Variants in ZNF260 observed in about 807,000 individuals in gnomAD.
ZNF260 encodes zinc finger protein 260, also known as zfp-260.
In ZNF260, 21 loss-of-function variants were observed where a neutral mutation model predicts 29.3. The observed-to-expected ratio is 0.72, with a 90% CI of 0.51 to 1.03. ZNF260 has a LOEUF of 1.03. Among genes scored for constraint, ZNF260 ranks in the 50% least tolerant of loss-of-function variants. The probability of loss-of-function intolerance (pLI) is 0.00; values close to 1 mark genes in which losing one functional copy is unlikely to be tolerated. For missense variants in ZNF260, 465 were observed against 487.8 expected (o/e 0.95, Z 0.44); for synonymous variants, 156 against 156.8 (o/e 0.99, Z 0.04).
At chr19:36,524,606 C>T (rs1443081524) in intron 2 of ZNF260, among the ~76,000 whole-genome samples, 3 of 138,996 alleles carry the variant, frequency 2.2e-5, no homozygotes, top group African/African-American at 5.4e-5. Context: ...GAGGGAAGGT[C>T]AGTAGATAAA....
At chr19:36,523,736 C>A (rs2034683515) in intron 2 of ZNF260, among the ~76,000 whole-genome samples, 3 of 151,774 alleles carry the variant, frequency 2.0e-5, no homozygotes, top group Admixed American at 2.0e-4. Context: ...TGCCACCTCG[C>A]CAGGCTAATT....
Position 36,514,529 on chromosome 19 carries a change from C to CATTAA in ZNF260, c.709_710insTTAAT (p.Arg237IlefsTer89), listed in dbSNP as rs748346728. On this transcript the variant is annotated frameshift_variant, in exon 3 of 3. Transcript: ENST00000523638. LOFTEE classifies it high-confidence loss of function. Reference sequence around the variant, plus strand: ...CTCTCCTGTGTGACTTCTCTGGTGTCTAATGAGGCTTGACTTCTGAATGAA... The same window carrying CATTAA: ...CTCTCCTGTGTGACTTCTCTGGTGTCATTAATAATGAGGCTTGACTTCTGAATGAA... 1 of 1,613,758 alleles carries CATTAA rather than the reference C, an allele frequency of 6.2e-7. No homozygotes were observed. The highest frequency in any genetic ancestry group is 1.3e-5 in the African/African-American group (1 of 74,806).
chr19:36,514,718 C>A lies in ZNF260; in HGVS notation c.521G>T (p.Ser174Ile), dbSNP rs1236410330. 1.2e-6 allele frequency: 2 copies of A among 1,613,834 alleles called. No homozygotes were observed. Among genetic ancestry groups the A allele is most frequent in the Admixed American group, 1.7e-5 (1 of 60,016 alleles). Residue 174 changes from serine (S) to isoleucine (I), a missense_variant, in exon 3 of 3, where the codon AGC (serine) becomes ATC (isoleucine). Physicochemically the swap from Ser to Ile is moderately radical, Grantham distance 142. Coordinates refer to ENST00000523638, the MANE Select transcript of ZNF260 (RefSeq NM_001166037.2). ...ATGTTTAATGAGGTATTGCTTCTGG[C>A]TGAAGGCTCTTCCACACTGATTACA... is the stretch of plus-strand genomic sequence containing the variant. ...FECNQCGRAF[S>I]QKQYLIKHQN...
rs61743049 is a variant in ZNF260 at position 36,515,096 on chromosome 19, A to G, written c.143T>C (p.Met48Thr). 0.021 allele frequency: 33,545 copies of G among 1,614,040 alleles called. 491 individuals are homozygous for G. The highest frequency in any genetic ancestry group is 0.07 in the East Asian group (3,141 of 44,860). Residue 48 changes from methionine (M) to threonine (T), a missense_variant, in exon 3 of 3, where the codon ATG becomes ACG. Physicochemically the swap from Met to Thr is moderately conservative, Grantham distance 81. Transcript: ENST00000523638. ...LKQNLVEHKK[M>T]HTGEKSHECT... The stretch of plus-strand genomic sequence containing the variant: ...TTCATGAGATTTCTCTCCAGTATGC[A>G]TTTTCTTATGCTCTACAAGGTTTTG...
chr19:36,523,492 A>G (rs949385113), intron 2 of ZNF260, among the ~76,000 whole-genome samples: 1 of 152,034 alleles, frequency 6.6e-6, no homozygotes, highest in Admixed American at 6.6e-5. Flanking sequence ...CAGGGGATTG[A>G]GGGCCAGGAA....
Position 36,514,655 on chromosome 19 carries a change from C to A in ZNF260, c.584G>T (p.Ser195Ile). ...CTGGCTAAAAGCTTTTCCACACTCA[C>A]TACATTTAAAGGGCTTCTTTCCAGT... ...IHTGKKPFKC[S>I]ECGKAFSQKE... Residue 195 changes from serine (S) to isoleucine (I), a missense_variant, in exon 3 of 3, where the codon AGT becomes ATT. Physicochemically the swap from Ser to Ile is moderately radical, Grantham distance 142. Coordinates refer to ENST00000523638, the MANE Select transcript of ZNF260 (RefSeq NM_001166037.2). 1 of 1,613,664 alleles carries A rather than the reference C, an allele frequency of 6.2e-7. No homozygotes were observed. The highest frequency in any genetic ancestry group is 8.5e-7 in the Non-Finnish European group (1 of 1,179,898).
chr19:36,521,777 C>T (rs1308359210), intron 2 of ZNF260, among the ~76,000 whole-genome samples: 1 of 149,840 alleles, frequency 6.7e-6, no homozygotes, highest in African/African-American at 2.5e-5. Flanking sequence ...AGGCCGGGTG[C>T]GGTGGCTCAC....
chr19:36,514,433 AT>A lies in ZNF260; in HGVS notation c.805del (p.Ile269PhefsTer55), dbSNP rs2034507220. The stretch of plus-strand genomic sequence containing the variant: ...TTTGTAGGGTTTCTCTCCAATATGA[AT>A]TTTCTCATGCTCTGTGAGATTTGAC... ...GKSNLTEHEK[I>X]HIGEKPYKCN... is the part of the protein sequence containing the mutation. On this transcript the variant is annotated frameshift_variant, in exon 3 of 3. Transcript: ENST00000523638. LOFTEE classifies it high-confidence loss of function. 1 of 1,613,760 alleles carries A rather than the reference AT, an allele frequency of 6.2e-7. No homozygotes were observed. Among genetic ancestry groups the A allele is most frequent in the Non-Finnish European group, 8.5e-7 (1 of 1,179,922 alleles).
chr19:36,512,256 T>C lies in ZNF260; in HGVS notation c.*1744A>G, dbSNP rs1373757458. On this transcript the variant is annotated 3_prime_UTR_variant, in exon 3 of 3. Transcript: ENST00000523638. ...AAGATAAGATTTTAGAAATATCTTCTACAGAATATTAGTATCTGACTAGGA... is the reference window on the plus strand; with the variant it reads ...AAGATAAGATTTTAGAAATATCTTCCACAGAATATTAGTATCTGACTAGGA... The C allele has an allele frequency of 1.3e-5, 2 of 152,212 alleles. No individual in the cohort carries two copies. The highest frequency in any genetic ancestry group is 2.9e-5 in the Non-Finnish European group (2 of 68,040). The allele number at this position is 152,212 out of a possible 1,614,324, so 9.4% of individuals were successfully genotyped here. A position where few individuals can be genotyped will look rare whatever the true frequency, so the allele number is the denominator to read the frequency against.
At chr19:36,525,488 G>A (rs1234635885) in intron 1 of ZNF260, 115 bp from the exon 2 acceptor site, 1 of 152,152 alleles carries the variant, frequency 6.6e-6, no homozygotes, top group Non-Finnish European at 1.5e-5. Flanking sequence ...CCATTCAAAA[G>A]CTCTACACAT....
rs1468865817 is a variant in ZNF260 at position 36,510,746 on chromosome 19, T to C, written c.*3254A>G. ...TTCTTATGGTGGCAAATAAGCAAAC[T>C]GTGAGTAAACGAGGGCAGCTGAATA... On this transcript the variant is annotated 3_prime_UTR_variant, in exon 3 of 3. Transcript: ENST00000523638. 1 of 152,164 alleles carries C rather than the reference T, an allele frequency of 6.6e-6. No individual in the cohort carries two copies. Among genetic ancestry groups the C allele is most frequent in the African/African-American group, 2.4e-5 (1 of 41,416 alleles). The allele number at this position is 152,164 out of a possible 1,614,324, so 9.4% of individuals were successfully genotyped here.
chr19:36,513,213 G>C lies in ZNF260; in HGVS notation c.*787C>G, dbSNP rs2034481353. 1 of 152,046 alleles carries C rather than the reference G, an allele frequency of 6.6e-6. No individual in the cohort carries two copies. The highest frequency in any genetic ancestry group is 1.5e-5 in the Non-Finnish European group (1 of 68,002). The allele number at this position is 152,046 out of a possible 1,614,324, so 9.4% of individuals were successfully genotyped here. A position where few individuals can be genotyped will look rare whatever the true frequency, so the allele number is the denominator to read the frequency against. ...ATCTGGGTTTTAGGTATCCACTGGGGGTCTTAGAGTCCATCTCTTGCAGAA... is the reference window on the plus strand; with the variant it reads ...ATCTGGGTTTTAGGTATCCACTGGGCGTCTTAGAGTCCATCTCTTGCAGAA... On this transcript the variant is annotated 3_prime_UTR_variant, in exon 3 of 3. Transcript: ENST00000523638.
chr19:36,514,275 G>C lies in ZNF260; in HGVS notation c.964C>G (p.His322Asp), dbSNP rs757539375. ...AFSRITSLIV[H>D]VRIHTGDKPY... ...TTATCACCTGTATGAATTCTCACATGTACAATAAGTGATGTGATTCGAGAG... is the reference window on the plus strand; with the variant it reads ...TTATCACCTGTATGAATTCTCACATCTACAATAAGTGATGTGATTCGAGAG... Residue 322 changes from histidine (H) to aspartate (D), a missense_variant, in exon 3 of 3, where the codon CAT (histidine) becomes GAT (aspartate). His to Asp is a moderately conservative substitution (Grantham distance 81, BLOSUM62 -1). Coordinates refer to ENST00000523638, the MANE Select transcript of ZNF260 (RefSeq NM_001166037.2). 17 of 1,613,988 alleles carry C rather than the reference G, an allele frequency of 1.1e-5. No homozygotes were observed. In the South Asian group the frequency reaches 1.9e-4, roughly 18 times the overall value.
chr19:36,520,854 C>T (rs1312508826), intron 2 of ZNF260, among the ~76,000 whole-genome samples: 5 of 128,928 alleles, frequency 3.9e-5, no homozygotes, highest in East Asian at 2.2e-4. Flanking sequence ...AGCGAGATTC[C>T]GTCTCAAAAA....
intron 2 of ZNF260, among the ~76,000 whole-genome samples, chr19:36,524,459 G>A (rs184195374): frequency 5.1e-4 from 78 of 151,652 alleles, no homozygotes; most frequent in African/African-American, 1.8e-3. Context: ...GATTACAGGC[G>A]TGAGCCACCA....
Position 36,515,053 on chromosome 19 carries a change from T to G in ZNF260, c.186A>C (p.Lys62Asn). 6.2e-7 allele frequency: 1 copy of G among 1,614,142 alleles called. No individual in the cohort carries two copies. The highest frequency in any genetic ancestry group is 2.2e-5 in the East Asian group (1 of 44,868). The change falls in exon 3 of 3, where the codon AAA becomes AAC. Residue 62 changes from lysine to asparagine, a missense_variant. Transcript: ENST00000523638. Reference sequence around the variant, plus strand: ...TAAGAGATGAGACTCGAGAGCACACTTTACCACATTCAGTGCATTCATGAG... The same window carrying G: ...TAAGAGATGAGACTCGAGAGCACACGTTACCACATTCAGTGCATTCATGAG... ...EKSHECTECGKVCSRVSSLTL... is the reference protein window; with the variant it reads ...EKSHECTECGNVCSRVSSLTL...
Position 36,513,477 on chromosome 19 carries a change from T to C in ZNF260, c.*523A>G. 2.9e-6 allele frequency: 1 copy of C among 349,808 alleles called. No homozygotes were observed. Among genetic ancestry groups the C allele is most frequent in the Non-Finnish European group, 5.1e-6 (1 of 196,200 alleles). The allele number at this position is 349,808 out of a possible 1,614,324, so 21.7% of individuals were successfully genotyped here. A position where few individuals can be genotyped will look rare whatever the true frequency, so the allele number is the denominator to read the frequency against. ...CAATTAATTTTTAAGTAATCCATGA[T>C]TTCCCCACCAATCTGGGATACCGCC... On this transcript the variant is annotated 3_prime_UTR_variant, in exon 3 of 3. Coordinates refer to ENST00000523638, the MANE Select transcript of ZNF260 (RefSeq NM_001166037.2).
rs1032858859 is a variant in ZNF260 at position 36,511,042 on chromosome 19, C to T, written c.*2958G>A. Reference sequence around the variant, plus strand: ...GACAGTTTAGATTCATGTACACATACATATATTTTATTTGGGTATATTACC... The same window carrying T: ...GACAGTTTAGATTCATGTACACATATATATATTTTATTTGGGTATATTACC... On this transcript the variant is annotated 3_prime_UTR_variant, in exon 3 of 3. Transcript: ENST00000523638. 6.6e-6 allele frequency: 1 copy of T among 152,136 alleles called. No individual in the cohort carries two copies. The highest frequency in any genetic ancestry group is 2.4e-5 in the African/African-American group (1 of 41,424). The allele number at this position is 152,136 out of a possible 1,614,324, so 9.4% of individuals were successfully genotyped here.
At chr19:36,524,468 C>T (rs1320768773) in intron 2 of ZNF260, among the ~76,000 whole-genome samples, 3 of 151,556 alleles carry the variant, frequency 2.0e-5, no homozygotes, top group African/African-American at 7.3e-5. Context: ...CGTGAGCCAC[C>T]ACGCCTGGCC....
Sources: allele counts gnomAD v4.1 joint callset (sites outside exome capture counted in the v4.1 genomes callset), GRCh38; gene constraint gnomAD v4.1.1; transcripts MANE v1.5; gene names NCBI Gene and HGNC (gene_info 2026-07-23, HGNC 2026-07-21).